The following ROR2 variants were observed in gnomAD, a reference collection of about 807,000 sequenced individuals.
The protein encoded by ROR2 is tyrosine-protein kinase transmembrane receptor ROR2.
Under a neutral mutation model 74.9 loss-of-function variants are expected in ROR2, and 33 were observed. That is an observed-to-expected ratio of 0.44 (90% CI 0.33 to 0.59). The LOEUF (loss-of-function observed/expected upper bound fraction) is 0.59. Among genes scored for constraint, ROR2 ranks in the 20% least tolerant of loss-of-function variants. ROR2 has a pLI of 0.02. For synonymous variants in ROR2, 586 were observed against 558.7 expected (o/e 1.05, Z -0.69); for missense variants, 1,216 against 1,313.8 (o/e 0.93, Z 1.15).
At chr9:91,799,276 G>A (rs1827296943) in intron 1 of ROR2, among the ~76,000 whole-genome samples, 1 of 152,158 alleles carries the variant, frequency 6.6e-6, no homozygotes, top group Non-Finnish European at 1.5e-5. Flanking sequence ...GACTTGGGAG[G>A]TGCCCCTTGG....
rs771717054 is a variant in ROR2 at position 91,730,891 on chromosome 9, A to T, written c.1183+19T>A. On this transcript the variant is annotated intron_variant, in intron 7 of 8. Transcript: ENST00000375708. ...ACTCAACAATCAACACATTAAAAAAAGAGAGAGAGAATACATACTACACGA... is the reference window on the plus strand; with the variant it reads ...ACTCAACAATCAACACATTAAAAAATGAGAGAGAGAATACATACTACACGA... 5 of 1,613,742 alleles carry T rather than the reference A, an allele frequency of 3.1e-6. No individual in the cohort carries two copies. The South Asian group carries it at 5.5e-5, about 18-fold the overall frequency.
chr9:91,774,861 C>T (rs1396772505), intron 2 of ROR2, among the ~76,000 whole-genome samples: 2 of 152,166 alleles, frequency 1.3e-5, no homozygotes, highest in Non-Finnish European at 2.9e-5. Context: ...ATGTAAGTTT[C>T]AAACTTTAAG....
chr9:91,810,750 A>G (rs1827724326), intron 1 of ROR2, among the ~76,000 whole-genome samples: 1 of 152,158 alleles, frequency 6.6e-6, no homozygotes, highest in African/African-American at 2.4e-5. Context: ...GTGTGGCCGG[A>G]ACAGGAGGGA....
intron 4 of ROR2, among the ~76,000 whole-genome samples, chr9:91,741,390 G>A (rs1015796882): frequency 2.6e-5 from 4 of 151,512 alleles, no homozygotes; most frequent in Admixed American, 1.3e-4. Flanking sequence ...AGGGGTAGGA[G>A]ATCAGGGAGA....
rs57891940 is a variant in ROR2, at chr9:91,746,857, GGTGTGTGTGT to G, written c.494+9204_494+9213del. 4.0e-3 allele frequency among the ~76,000 whole-genome samples: 603 copies of G among 150,018 alleles called. 2 individuals are homozygous for G. The highest frequency in any genetic ancestry group is 0.013 in the African/African-American group (519 of 40,878). On this transcript the variant is annotated intron_variant, in intron 4 of 8. Transcript: ENST00000375708. ...AAGAATAACACACTTTCCTTGAGCA[GGTGTGTGTGT>G]GTGTGTGTGTGTGTGTGTGTGTAGC...
intron 1 of ROR2, among the ~76,000 whole-genome samples, chr9:91,915,149 C>T (rs1397980396): frequency 6.6e-6 from 1 of 152,124 alleles, no homozygotes; most frequent in Admixed American, 6.5e-5. Flanking sequence ...AGCAGCTGGT[C>T]GGAGTTGTCA....
At chr9:91,791,069 T>C (rs1226516855) in intron 1 of ROR2, among the ~76,000 whole-genome samples, 7 of 152,222 alleles carry the variant, frequency 4.6e-5, no homozygotes. Flanking sequence ...CCAGTGTTTA[T>C]AAAATCGACA....
chr9:91,808,233 A>G (rs1351015613), intron 1 of ROR2, among the ~76,000 whole-genome samples: 1 of 152,200 alleles, frequency 6.6e-6, no homozygotes, highest in African/African-American at 2.4e-5. Flanking sequence ...GTTTTTGCCC[A>G]TTTTAAAGGA....
At chr9:91,863,757 A>G (rs61199056) in intron 1 of ROR2, among the ~76,000 whole-genome samples, 13,335 of 151,938 alleles carry the variant, frequency 0.088, 750 homozygotes, top group African/African-American at 0.15. Flanking sequence ...GGGGGGAGAT[A>G]GGAGAAAGGG....
At chr9:91,877,131 G>A (rs1829980331) in intron 1 of ROR2, among the ~76,000 whole-genome samples, 1 of 152,206 alleles carries the variant, frequency 6.6e-6, no homozygotes, top group African/African-American at 2.4e-5. Flanking sequence ...ACATTCCAAA[G>A]AACATGACGT....
chr9:91,806,676 GCCTCC>G (rs1335705497), intron 1 of ROR2, among the ~76,000 whole-genome samples: 1 of 152,156 alleles, frequency 6.6e-6, no homozygotes, highest in African/African-American at 2.4e-5. Context: ...TACAAGCTCT[GCCTCC>G]CGGGTTCACG....
At chr9:91,751,702 TAATACTC>T (rs140501025) in intron 4 of ROR2, among the ~76,000 whole-genome samples, 2,054 of 152,310 alleles carry the variant, frequency 0.013, 46 homozygotes, top group African/African-American at 0.047. Flanking sequence ...ATAACATACT[TAATACTC>T]AATCTCACAG....
intron 1 of ROR2, among the ~76,000 whole-genome samples, chr9:91,836,981 C>T (rs11788545): frequency 0.057 from 8,647 of 152,216 alleles, 290 homozygotes; most frequent in East Asian, 0.096. Flanking sequence ...AAAGAAATTA[C>T]AGTAATTTAA....
At chr9:91,911,173 C>A (rs1422457469) in intron 1 of ROR2, among the ~76,000 whole-genome samples, 3 of 152,210 alleles carry the variant, frequency 2.0e-5, no homozygotes, top group Non-Finnish European at 4.4e-5. Flanking sequence ...ATGCAGTGTT[C>A]TACACACAGG....
At chr9:91,779,489 G>A (rs1270711234) in intron 1 of ROR2, among the ~76,000 whole-genome samples, 1 of 149,626 alleles carries the variant, frequency 6.7e-6, no homozygotes, top group African/African-American at 2.5e-5. Context: ...TCCTGCCTCC[G>A]CCTCCCAAGT....
chr9:91,882,387 G>A (rs1315537812), intron 1 of ROR2, among the ~76,000 whole-genome samples: 1 of 148,738 alleles, frequency 6.7e-6, no homozygotes, highest in Non-Finnish European at 1.5e-5. Flanking sequence ...CTCCAGCCCA[G>A]GCGACAATGT....
chr9:91,859,407 C>G (rs1440361253), intron 1 of ROR2, among the ~76,000 whole-genome samples: 1 of 151,996 alleles, frequency 6.6e-6, no homozygotes, highest in Non-Finnish European at 1.5e-5. Flanking sequence ...CCATGTTGGC[C>G]AGGATGGTCT....
rs1451594760 is a variant in ROR2 at position 91,723,700 on chromosome 9, G to A, written c.2794C>T (p.Leu932=). ...TGGACTTGGGCCTCGTCCACCTGCA[G>A]AGTGTCACAGTCCCCCAGCAGCTCA... ...ETELLGDCDT[L]QVDEAQVQLE... is the part of the protein sequence containing the mutation. The change falls in exon 9 of 9, where the codon CTG becomes TTG. Residue 932 remains leucine (L), a synonymous_variant. Transcript: ENST00000375708. The A allele has an allele frequency of 1.9e-6, 3 of 1,613,788 alleles. No individual in the cohort carries two copies. The African/African-American group carries it at 4.0e-5, about 22-fold the overall frequency.
chr9:91,876,840 C>T (rs572433427), intron 1 of ROR2, among the ~76,000 whole-genome samples: 40 of 151,898 alleles, frequency 2.6e-4, no homozygotes, highest in Admixed American at 7.2e-4. Flanking sequence ...AGAGGAGCTT[C>T]AGAAAGAACA....
Sources: gnomAD v4.1 joint callset for allele counts (sites outside exome capture counted in the v4.1 genomes callset) on GRCh38, gnomAD v4.1.1 for gene constraint, MANE v1.5 for transcripts, NCBI Gene and HGNC (gene_info 2026-07-23, HGNC 2026-07-21) for gene names.